Variants in HTR1E observed in about 807,000 individuals in gnomAD.
HTR1E encodes the protein 5-hydroxytryptamine receptor 1E.
In HTR1E, 3 loss-of-function variants were observed where a neutral mutation model predicts 3.4. That is an observed-to-expected ratio of 0.89 (90% CI 0.41 to 2.31). The LOEUF is 2.31. HTR1E is among the 30% of genes most tolerant of loss of function. HTR1E has a pLI of 0.05. For missense variants in HTR1E, 392 were observed against 467.0 expected (o/e 0.84, Z 1.48); for synonymous variants, 170 against 182.8 (o/e 0.93, Z 0.56).
chr6:86,985,303 T>C (rs1469624211), intron 1 of HTR1E, among the ~76,000 whole-genome samples: 2 of 152,136 alleles, frequency 1.3e-5, no homozygotes, highest in Non-Finnish European at 2.9e-5. Context: ...TTGAAACAAT[T>C]TGATCCCTGA....
chr6:87,009,327 G>A (rs58596564), intron 1 of HTR1E, among the ~76,000 whole-genome samples: 17,451 of 146,860 alleles, frequency 0.12, 1,715 homozygotes, highest in African/African-American at 0.27. Flanking sequence ...CCCTTAATCC[G>A]TTTAACCCTG....
intron 1 of HTR1E, among the ~76,000 whole-genome samples, chr6:87,009,440 A>G (rs962259167): frequency 1.3e-5 from 2 of 152,012 alleles, no homozygotes; most frequent in Non-Finnish European, 2.9e-5. Flanking sequence ...GAACAAAATG[A>G]AAAGTCTCCC....
At chr6:86,943,241 G>C (rs1056748742) in intron 1 of HTR1E, among the ~76,000 whole-genome samples, 1 of 152,058 alleles carries the variant, frequency 6.6e-6, no homozygotes. Context: ...AAGAGGATGG[G>C]GTATTAACCC....
chr6:86,992,261 T>C (rs192963566), intron 1 of HTR1E, among the ~76,000 whole-genome samples: 1 of 152,250 alleles, frequency 6.6e-6, no homozygotes, highest in Non-Finnish European at 1.5e-5. Flanking sequence ...AAAAGCTTTA[T>C]GTAGATAGGG....
intron 1 of HTR1E, among the ~76,000 whole-genome samples, chr6:86,949,281 G>A (rs1767183389): frequency 6.6e-6 from 1 of 152,138 alleles, no homozygotes. Context: ...GGTTTTTGCA[G>A]GGTTAAGTAA....
intron 1 of HTR1E, among the ~76,000 whole-genome samples, chr6:87,004,632 T>C (rs1203861995): frequency 2.6e-5 from 4 of 152,114 alleles, no homozygotes; most frequent in African/African-American, 9.7e-5. Flanking sequence ...CCACAGCTAG[T>C]ATCATAATGA....
intron 1 of HTR1E, among the ~76,000 whole-genome samples, chr6:86,984,544 A>T (rs906064309): frequency 1.3e-5 from 2 of 152,224 alleles, no homozygotes; most frequent in Admixed American, 6.5e-5. Flanking sequence ...TTAAGAACTT[A>T]ATTACAAGAA....
chr6:86,964,895 T>A (rs552133446), intron 1 of HTR1E, among the ~76,000 whole-genome samples: 1 of 151,968 alleles, frequency 6.6e-6, no homozygotes, highest in East Asian at 1.9e-4. Context: ...AACAACATAG[T>A]ACTAGTAAAA....
At chr6:87,010,823 G>A (rs986732583) in intron 1 of HTR1E, among the ~76,000 whole-genome samples, 2 of 151,892 alleles carry the variant, frequency 1.3e-5, no homozygotes, top group Non-Finnish European at 2.9e-5. Flanking sequence ...CGGGCCCCGC[G>A]GGGCCCGTCC....
intron 1 of HTR1E, among the ~76,000 whole-genome samples, chr6:86,942,531 C>T (rs1562057099): frequency 6.6e-6 from 1 of 152,172 alleles, no homozygotes; most frequent in Non-Finnish European, 1.5e-5. Flanking sequence ...TTTTATTATG[C>T]TTTCATTTGA....
In HTR1E at chr6:86,937,763, T is replaced by C. The variant is rs969452759; in HGVS notation, c.-246T>C. On this transcript the variant is annotated 5_prime_UTR_variant, in exon 1 of 2. Coordinates refer to ENST00000305344, the MANE Select transcript of HTR1E (RefSeq NM_000865.3). ...AGGAGCGGGTTCCGAGTGAGACTTCTGGAGCCAGCTGGACGTGCCGGTTTG... is the reference window on the plus strand; with the variant it reads ...AGGAGCGGGTTCCGAGTGAGACTTCCGGAGCCAGCTGGACGTGCCGGTTTG... The C allele has an allele frequency of 2.0e-5, 3 of 152,948 alleles. No homozygotes were observed. Among genetic ancestry groups the C allele is most frequent in the African/African-American group, 7.2e-5 (3 of 41,460 alleles). 9.5% of individuals were successfully genotyped at this position (152,948 alleles called of 1,614,324 possible).
chr6:87,004,641 G>A (rs900711269), intron 1 of HTR1E, among the ~76,000 whole-genome samples: 1 of 152,106 alleles, frequency 6.6e-6, no homozygotes, highest in African/African-American at 2.4e-5. Flanking sequence ...GTATCATAAT[G>A]AGTGGGGAAA....
chr6:86,973,454 A>G (rs1767589615), intron 1 of HTR1E, among the ~76,000 whole-genome samples: 1 of 152,020 alleles, frequency 6.6e-6, no homozygotes, highest in African/African-American at 2.4e-5. Flanking sequence ...CCGCTCCATA[A>G]CCTTGCAGCC....
chr6:87,003,719 C>T (rs1768058200), intron 1 of HTR1E, among the ~76,000 whole-genome samples: 2 of 151,312 alleles, frequency 1.3e-5, no homozygotes, highest in Admixed American at 1.3e-4. Flanking sequence ...ACTAGAAAAG[C>T]AAAAGCAAAC....
chr6:87,001,637 G>C (rs1768025456), intron 1 of HTR1E, among the ~76,000 whole-genome samples: 2 of 152,190 alleles, frequency 1.3e-5, no homozygotes, highest in Admixed American at 1.3e-4. Context: ...AAGAAAGCAA[G>C]AATTAGAGAG....
At chr6:86,977,572 T>C (rs1161097794) in intron 1 of HTR1E, among the ~76,000 whole-genome samples, 2 of 152,202 alleles carry the variant, frequency 1.3e-5, no homozygotes, top group African/African-American at 2.4e-5. Flanking sequence ...CTGGGTCTAA[T>C]GGTAGCTCTA....
At chr6:86,993,556 C>T (rs1302463085) in intron 1 of HTR1E, among the ~76,000 whole-genome samples, 1 of 148,558 alleles carries the variant, frequency 6.7e-6, no homozygotes, top group Non-Finnish European at 1.5e-5. Context: ...ATATTTCTAC[C>T]AAGCACTACC....
At chr6:86,988,966 A>T (rs1767835302) in intron 1 of HTR1E, among the ~76,000 whole-genome samples, 1 of 152,194 alleles carries the variant, frequency 6.6e-6, no homozygotes, top group South Asian at 2.1e-4. Flanking sequence ...AATTAAAGTG[A>T]AAGTAAATTT....
chr6:87,004,452 A>T (rs1455350646), intron 1 of HTR1E, among the ~76,000 whole-genome samples: 3 of 152,224 alleles, frequency 2.0e-5, no homozygotes, highest in Non-Finnish European at 4.4e-5. Context: ...TATGCAAATC[A>T]ATGAATAGGG....
Sources: gnomAD v4.1 joint callset for allele counts (sites outside exome capture counted in the v4.1 genomes callset) on GRCh38, gnomAD v4.1.1 for gene constraint, MANE v1.5 for transcripts, NCBI Gene and HGNC (gene_info 2026-07-23, HGNC 2026-07-21) for gene names.